The following SLC25A20 variants were observed in gnomAD, a reference collection of about 807,000 sequenced individuals.
SLC25A20 encodes the protein mitochondrial carnitine/acylcarnitine carrier protein.
Under a neutral mutation model 39.7 loss-of-function variants are expected in SLC25A20, and 29 were observed. The ratio of observed to expected loss-of-function variants is 0.73; its 90% confidence interval spans 0.54 to 1.00. SLC25A20 has a LOEUF of 1.00. Among genes scored for constraint, SLC25A20 ranks in the 50% least tolerant of loss-of-function variants. The pLI is 0.00. For synonymous variants in SLC25A20, 103 were observed against 142.2 expected (o/e 0.72, Z 1.96); for missense variants, 333 against 379.9 (o/e 0.88, Z 1.03).
chr3:48,876,948 T>C (rs1191286711), intron 4 of SLC25A20, among the ~76,000 whole-genome samples: 1 of 150,324 alleles, frequency 6.7e-6, no homozygotes, highest in Non-Finnish European at 1.5e-5. Flanking sequence ...ATACAAAAAT[T>C]AGCCAGGCGT....
intron 2 of SLC25A20, among the ~76,000 whole-genome samples, chr3:48,885,307 A>G (rs887048082): frequency 1.3e-5 from 2 of 152,122 alleles, no homozygotes; most frequent in African/African-American, 4.8e-5. Flanking sequence ...TGTGGTAACC[A>G]ATAAATAATT....
chr3:48,865,666 G>A (rs1372596396), intron 4 of SLC25A20, among the ~76,000 whole-genome samples: 3 of 150,916 alleles, frequency 2.0e-5, no homozygotes, highest in Non-Finnish European at 4.4e-5. Context: ...CTACTTGGGA[G>A]GCTGAGGCAC....
Position 48,894,408 on chromosome 3 carries a change from G to A in SLC25A20, c.106-2336C>T, listed in dbSNP as rs77189981. 2.9e-4 allele frequency among the ~76,000 whole-genome samples: 43 copies of A among 148,746 alleles called. 1 individual carries two copies. The East Asian group carries it at 8.1e-3, about 28-fold the overall frequency. On this transcript the variant is annotated intron_variant, in intron 1 of 8. Coordinates refer to ENST00000319017, the MANE Select transcript of SLC25A20 (RefSeq NM_000387.6). ...CCCGCGTAGCTGGGATTACAGGTGC[G>A]TGCCACCACACCCAGGTAACTTTTG...
At position 48,859,178 on chromosome 3, in the gene SLC25A20, C is replaced by A. The variant is rs200418177; in HGVS notation, c.632G>T (p.Arg211Leu). The A allele has an allele frequency of 1.2e-6, 2 of 1,613,998 alleles. No homozygotes were observed. The highest frequency in any genetic ancestry group is 4.5e-5 in the East Asian group (2 of 44,884). The change falls in exon 7 of 9, where the codon CGG (arginine) becomes CTG (leucine). Residue 211 changes from arginine (R) to leucine (L), a missense_variant. Transcript: ENST00000319017. ...GKRVSELSAP[R>L]ILVAGGIAGI... ...TGCAATGCCCCCAGCCACCAAGATC[C>A]GAGGGGCACTGAGCTCACTGACCCT... is the stretch of plus-strand genomic sequence containing the variant.
At chr3:48,885,118 A>G (rs139528137) in intron 2 of SLC25A20, among the ~76,000 whole-genome samples, 41 of 152,188 alleles carry the variant, frequency 2.7e-4, no homozygotes, top group African/African-American at 9.4e-4. Context: ...ATAAAAAATA[A>G]AAGTTAGCCA....
intron 3 of SLC25A20, among the ~76,000 whole-genome samples, chr3:48,880,529 G>A (rs2083789192): frequency 6.7e-6 from 1 of 149,580 alleles, no homozygotes; most frequent in South Asian, 2.1e-4. Flanking sequence ...CACCCACTTC[G>A]GCCTCCCAGA....
intron 3 of SLC25A20, among the ~76,000 whole-genome samples, chr3:48,881,862 C>T (rs1460245223): frequency 6.6e-6 from 1 of 152,186 alleles, no homozygotes; most frequent in African/African-American, 2.4e-5. Context: ...CAAAACAACC[C>T]CATCCACATT....
intron 1 of SLC25A20, among the ~76,000 whole-genome samples, chr3:48,896,004 G>A (rs1472600331): frequency 6.6e-6 from 1 of 151,938 alleles, no homozygotes; most frequent in Non-Finnish European, 1.5e-5. Context: ...GCCAGGCATG[G>A]TGGTGGGCAC....
At chr3:48,867,173 C>T (rs2083677307) in intron 4 of SLC25A20, among the ~76,000 whole-genome samples, 1 of 151,862 alleles carries the variant, frequency 6.6e-6, no homozygotes, top group African/African-American at 2.4e-5. Flanking sequence ...AACTCCTGGG[C>T]TTGGGTGATC....
chr3:48,872,687 CA>C (rs551848720), intron 4 of SLC25A20, among the ~76,000 whole-genome samples: 6,265 of 65,576 alleles, frequency 0.096, 404 homozygotes, highest in African/African-American at 0.27. Context: ...CCCATCCTTA[CA>C]AAAAAAAAAA....
intron 6 of SLC25A20, 148 bp from the exon 7 acceptor site, chr3:48,859,349 G>A: frequency 1.2e-6 from 1 of 854,484 alleles, no homozygotes; most frequent in Non-Finnish European, 2.0e-6. Flanking sequence ...GGCACTCCTT[G>A]GAGAAGGTTT....
chr3:48,891,809 G>C (rs1480800304), intron 2 of SLC25A20, among the ~76,000 whole-genome samples, 171 bp downstream of exon 2: 1 of 152,148 alleles, frequency 6.6e-6, no homozygotes, highest in African/African-American at 2.4e-5. Context: ...AACTATCAGA[G>C]ACTCCAAAGC....
At chr3:48,885,075 C>T (rs2106659492) in intron 2 of SLC25A20, among the ~76,000 whole-genome samples, 1 of 152,130 alleles carries the variant, frequency 6.6e-6, no homozygotes, top group African/African-American at 2.4e-5. Flanking sequence ...TGAGCCTGGG[C>T]AGCATAGCAA....
chr3:48,890,459 G>A (rs1045186047), intron 2 of SLC25A20, among the ~76,000 whole-genome samples: 1 of 151,850 alleles, frequency 6.6e-6, no homozygotes, highest in African/African-American at 2.4e-5. Flanking sequence ...AAAGTGCTGG[G>A]ATTACAGGCA....
At chr3:48,884,238 G>T in intron 2 of SLC25A20, 114 bp from the exon 3 acceptor site, 1 of 1,328,170 alleles carries the variant, frequency 7.5e-7, no homozygotes, top group Non-Finnish European at 1.1e-6. Context: ...TCTTCTTGAA[G>T]CAAGGAGAAC....
intron 4 of SLC25A20, among the ~76,000 whole-genome samples, 181 bp from the exon 5 acceptor site, chr3:48,862,840 GA>G (rs918124146): frequency 6.6e-6 from 1 of 152,172 alleles, no homozygotes; most frequent in African/African-American, 2.4e-5. Flanking sequence ...AAGGCTAGGT[GA>G]AAATATCAGA....
At chr3:48,883,952 GC>G (rs748279508) in intron 3 of SLC25A20, 44 bp downstream of exon 3, 1 of 1,607,914 alleles carries the variant, frequency 6.2e-7, no homozygotes. Flanking sequence ...CCCATGTCAC[GC>G]TACCAGGCAG....
At chr3:48,883,601 G>A (rs1316079948) in intron 3 of SLC25A20, among the ~76,000 whole-genome samples, 1 of 145,046 alleles carries the variant, frequency 6.9e-6, no homozygotes, top group African/African-American at 2.5e-5. Flanking sequence ...AGGGGCCCAG[G>A]AAGACCCACC....
At chr3:48,865,948 G>A (rs1391923896) in intron 4 of SLC25A20, among the ~76,000 whole-genome samples, 1 of 150,430 alleles carries the variant, frequency 6.6e-6, no homozygotes, top group Non-Finnish European at 1.5e-5. Context: ...GGCCAACATG[G>A]TGAAACCCCG....
Sources: gnomAD v4.1 joint callset for allele counts (sites outside exome capture counted in the v4.1 genomes callset) on GRCh38, gnomAD v4.1.1 for gene constraint, MANE v1.5 for transcripts, NCBI Gene and HGNC (gene_info 2026-07-23, HGNC 2026-07-21) for gene names.